Variants in CPB2 observed in about 807,000 individuals in gnomAD.
CPB2 encodes the protein carboxypeptidase B2.
Under a neutral mutation model 57.0 loss-of-function variants are expected in CPB2, and 54 were observed. The observed-to-expected ratio is 0.95, with a 90% CI of 0.76 to 1.19. CPB2 has a LOEUF of 1.19. Ranked by LOEUF, CPB2 falls within the 50% of genes most tolerant of loss-of-function variation. The pLI is 0.00. For synonymous variants in CPB2, 189 were observed against 178.1 expected, an observed-to-expected ratio of 1.06 and a Z score of -0.49; for missense variants, 426 against 512.0, an observed-to-expected ratio of 0.83 and a Z score of 1.62.
Position 46,064,711 on chromosome 13 carries a change from A to G in CPB2, c.733T>C (p.Tyr245His). ...NRMWRKNRSF[Y>H]ANNHCIGTDL... ...GTTCCGATGCAATGATTGTTCGCAT[A>G]GAAAGAACGGTTCTTTCTCCACATT... The change falls in exon 8 of 11, where the codon TAT (tyrosine) becomes CAT (histidine). Residue 245 changes from tyrosine to histidine, a missense_variant. Physicochemically the swap from Tyr to His is moderately conservative, Grantham distance 83. Transcript: ENST00000181383. 6.2e-7 allele frequency: 1 copy of G among 1,614,170 alleles called. No individual in the cohort carries two copies. The highest frequency in any genetic ancestry group is 8.5e-7 in the Non-Finnish European group (1 of 1,179,992).
intron 4 of CPB2, 115 bp downstream of exon 4, chr13:46,082,324 TTG>T (rs2045130749): frequency 1.7e-6 from 1 of 578,998 alleles, no homozygotes; most frequent in Admixed American, 3.1e-5. Context: ...CTAAGTGTGT[TTG>T]TGTTTTATTT....
At chr13:46,064,545 C>G (rs1355558160) in intron 8 of CPB2, 103 bp downstream of exon 8, 2 of 885,602 alleles carry the variant, frequency 2.3e-6, no homozygotes, top group Non-Finnish European at 3.7e-6. Flanking sequence ...TTCCCTGATT[C>G]AGACAGGCCA....
At chr13:46,086,209 T>C (rs1295200784) in intron 2 of CPB2, among the ~76,000 whole-genome samples, 3 of 152,064 alleles carry the variant, frequency 2.0e-5, no homozygotes, top group African/African-American at 7.2e-5. Flanking sequence ...GCAGCTCTTC[T>C]CTCCTTCTTG....
At chr13:46,062,790 A>C (rs1032546845) in intron 8 of CPB2, among the ~76,000 whole-genome samples, 1 of 152,180 alleles carries the variant, frequency 6.6e-6, no homozygotes, top group East Asian at 1.9e-4. Flanking sequence ...GAAATAAGGT[A>C]AGTGCTTTGT....
intron 5 of CPB2, among the ~76,000 whole-genome samples, chr13:46,075,800 C>G (rs1004892507): frequency 1.3e-5 from 2 of 151,838 alleles, no homozygotes; most frequent in Non-Finnish European, 1.5e-5. Flanking sequence ...ACATTATTTT[C>G]CAGAGCTTTA....
At chr13:46,068,848 T>C (rs2044895829) in intron 6 of CPB2, among the ~76,000 whole-genome samples, 1 of 152,230 alleles carries the variant, frequency 6.6e-6, no homozygotes, top group Admixed American at 6.5e-5. Context: ...AGGGAAGCCA[T>C]GTTTTAAATA....
chr13:46,067,504 T>C, intron 6 of CPB2, 87 bp from the exon 7 acceptor site: 1 of 708,860 alleles, frequency 1.4e-6, no homozygotes, highest in South Asian at 1.8e-5. Context: ...TAATTTGTCA[T>C]TTGGCATGTT....
At position 46,084,265 on chromosome 13, in the gene CPB2, C is replaced by T; in HGVS notation, c.229G>A (p.Val77Ile). The T allele has an allele frequency of 1.9e-6, 3 of 1,614,176 alleles. No homozygotes were observed. In the South Asian group the frequency reaches 3.3e-5, roughly 18 times the overall value. Residue 77 changes from valine (V) to isoleucine (I), a missense_variant, in exon 3 of 11, where the codon GTC (valine) becomes ATC (isoleucine). Physicochemically the swap from Val to Ile is conservative, Grantham distance 29 (BLOSUM62 3). Coordinates refer to ENST00000181383, the MANE Select transcript of CPB2 (RefSeq NM_001872.5). ...QVHFFVNASD[V>I]DNVKAHLNVS... Reference sequence around the variant, plus strand: ...TTTAAATGGGCTTTCACATTGTCGACATCAGATGCATTTACAAAAAAATGG... The same window carrying T: ...TTTAAATGGGCTTTCACATTGTCGATATCAGATGCATTTACAAAAAAATGG...
intron 6 of CPB2, among the ~76,000 whole-genome samples, chr13:46,071,602 C>G (rs780260873): frequency 6.6e-6 from 1 of 152,054 alleles, no homozygotes; most frequent in Non-Finnish European, 1.5e-5. Context: ...AATCATGAAC[C>G]GGGTACCAGG....
At chr13:46,083,037 G>A (rs1480231811) in intron 3 of CPB2, among the ~76,000 whole-genome samples, 3 of 151,802 alleles carry the variant, frequency 2.0e-5, no homozygotes, top group Admixed American at 6.6e-5. Flanking sequence ...AACAGGAAAA[G>A]GGAAGTACAG....
At chr13:46,062,594 C>T (rs941709610) in intron 8 of CPB2, among the ~76,000 whole-genome samples, 40 of 152,224 alleles carry the variant, frequency 2.6e-4, no homozygotes, top group African/African-American at 8.7e-4. Flanking sequence ...GAACCTAAGT[C>T]GGGATGAACT....
intron 4 of CPB2, among the ~76,000 whole-genome samples, chr13:46,080,603 T>C (rs1451225009): frequency 6.6e-6 from 1 of 152,132 alleles, no homozygotes; most frequent in African/African-American, 2.4e-5. Flanking sequence ...ACGAATCCAA[T>C]CTGACTGGTG....
chr13:46,058,279 A>C lies in CPB2; in HGVS notation c.899T>G (p.Ile300Ser). The change falls in exon 9 of 11, where the codon ATC becomes AGC. Residue 300 changes from isoleucine to serine, a missense_variant. By Grantham distance (142) the Ile-to-Ser change is moderately radical. Transcript: ENST00000181383. ...GCTGATGTATGCTTTAATCTGGTTG[A>C]TATTTCTTCTCAAGAAACTAGCCAC... ...KAVASFLRRN[I>S]NQIKAYISMH... 6.2e-7 allele frequency: 1 copy of C among 1,614,102 alleles called. No homozygotes were observed. The highest frequency in any genetic ancestry group is 8.5e-7 in the Non-Finnish European group (1 of 1,179,952).
At chr13:46,058,413 G>A in intron 8 of CPB2, 32 bp from the exon 9 acceptor site, 1 of 1,588,258 alleles carries the variant, frequency 6.3e-7, no homozygotes, top group Non-Finnish European at 8.6e-7. Context: ...GAAATTATGA[G>A]GGGATGCACA....
intron 9 of CPB2, among the ~76,000 whole-genome samples, chr13:46,056,538 C>T (rs1241750314): frequency 6.6e-6 from 1 of 152,132 alleles, no homozygotes; most frequent in East Asian, 1.9e-4. Flanking sequence ...GATTTATCAG[C>T]GGATATTATT....
intron 6 of CPB2, among the ~76,000 whole-genome samples, chr13:46,069,644 A>G (rs529313328): frequency 6.6e-6 from 1 of 152,320 alleles, no homozygotes; most frequent in South Asian, 2.1e-4. Context: ...TATTTTCAAG[A>G]TTCATCTATG....
At chr13:46,091,007 AG>A in intron 1 of CPB2, among the ~76,000 whole-genome samples, 1 of 152,234 alleles carries the variant, frequency 6.6e-6, no homozygotes, top group African/African-American at 2.4e-5. Context: ...TACAGGCGTG[AG>A]CCACCGTGCC....
chr13:46,072,443 C>T (rs2044957323), intron 6 of CPB2, among the ~76,000 whole-genome samples: 1 of 152,020 alleles, frequency 6.6e-6, no homozygotes, highest in Admixed American at 6.6e-5. Flanking sequence ...ATTTAAAAAG[C>T]CCTTATTGAT....
intron 5 of CPB2, among the ~76,000 whole-genome samples, chr13:46,076,376 G>A (rs1306908821): frequency 3.5e-5 from 5 of 142,686 alleles, no homozygotes; most frequent in Non-Finnish European, 6.1e-5. Flanking sequence ...AATCAAGAAA[G>A]AAATACCATT....
Sources: allele counts gnomAD v4.1 joint callset (sites outside exome capture counted in the v4.1 genomes callset), GRCh38; gene constraint gnomAD v4.1.1; transcripts MANE v1.5; gene names NCBI Gene and HGNC (gene_info 2026-07-23, HGNC 2026-07-21).